Variants in PPM1N observed in about 807,000 individuals in gnomAD.
The protein encoded by PPM1N is probable protein phosphatase 1N.
PPM1N carries 35 observed loss-of-function variants against 32.6 expected under a neutral mutation model. That is an observed-to-expected ratio of 1.07 (90% CI 0.82 to 1.43). The LOEUF (loss-of-function observed/expected upper bound fraction) is 1.43, where lower values mean the gene tolerates loss of function less well. PPM1N is among the 40% of genes most tolerant of loss of function. PPM1N has a pLI of 0.00. For synonymous variants in PPM1N, 275 were observed against 270.5 expected (o/e 1.02, Z -0.16); for missense variants, 648 against 606.6 (o/e 1.07, Z -0.72).
chr19:45,499,990 TG>T lies in PPM1N; in HGVS notation c.985del (p.Ala329ProfsTer13). The T allele has an allele frequency of 1.2e-6, 2 of 1,603,228 alleles. No individual in the cohort carries two copies. The highest frequency in any genetic ancestry group is 1.7e-6 in the Non-Finnish European group (2 of 1,174,700). On this transcript the variant is annotated frameshift_variant, in exon 2 of 5. Coordinates refer to ENST00000451287, the MANE Select transcript of PPM1N (RefSeq NM_001080401.2). LOFTEE classifies it high-confidence loss of function. The stretch of plus-strand genomic sequence containing the variant: ...TGACCTGCATCCTGGTCTGCTTCCC[TG>T]GGGCCCCTAGGCCTTCTGAGGAGGC... ...NMTCILVCFP[G>X]APRPSEEAIR... is the part of the protein sequence containing the mutation.
In PPM1N at chr19:45,498,602, T is replaced by C; in HGVS notation, c.130T>C (p.Ser44Pro). The part of the protein sequence containing the change: ...AGRRAPEGPR[S>P]LLTAPRRAQR... The stretch of plus-strand genomic sequence containing the variant: ...GCGCAGGGCCCCCGAAGGGCCTCGG[T>C]CTCTGTTGACAGCGCCGCGCCGCGC... The change falls in exon 1 of 5, where the codon TCT (serine) becomes CCT (proline). Residue 44 changes from serine (S) to proline (P), a missense_variant. Ser to Pro is a moderately conservative substitution (Grantham distance 74, BLOSUM62 -1). Transcript: ENST00000451287. The C allele has an allele frequency of 6.9e-7, 1 of 1,450,372 alleles. No individual in the cohort carries two copies. Among genetic ancestry groups the C allele is most frequent in the Non-Finnish European group, 9.0e-7 (1 of 1,106,196 alleles). The allele number at this position is 1,450,372 out of a possible 1,614,324, so 89.8% of individuals were successfully genotyped here. A position where few individuals can be genotyped will look rare whatever the true frequency, so the allele number is the denominator to read the frequency against.
In PPM1N at chr19:45,501,147, GC is replaced by G. The variant is rs551532984; in HGVS notation, c.1224+441del. On this transcript the variant is annotated intron_variant, in intron 4 of 4. Transcript: ENST00000451287. ...ATGTGAGCCGGCAACGCTCTGCAGT[GC>G]CCCATCAGCCCAAGTGCTTCCCACA... 2.9e-3 allele frequency among the ~76,000 whole-genome samples: 449 copies of G among 152,312 alleles called. 2 individuals carry two copies. Among genetic ancestry groups the G allele is most frequent in the African/African-American group, 0.01 (423 of 41,548 alleles).
rs1159934660 is a variant in PPM1N, at chr19:45,498,917, G to A, written c.445G>A (p.Glu149Lys). The A allele has an allele frequency of 3.9e-6, 6 of 1,530,898 alleles. No individual in the cohort carries two copies. Among genetic ancestry groups the A allele is most frequent in the Non-Finnish European group, 3.5e-6 (4 of 1,148,210 alleles). 94.8% of individuals were successfully genotyped at this position (1,530,898 alleles called of 1,614,324 possible). A position where few individuals can be genotyped will look rare whatever the true frequency, so the allele number is the denominator to read the frequency against. Residue 149 changes from glutamate (E) to lysine (K), a missense_variant, in exon 1 of 5, where the codon GAG becomes AAG. Physicochemically the swap from Glu to Lys is moderately conservative, Grantham distance 56. Transcript: ENST00000451287. The stretch of plus-strand genomic sequence containing the variant: ...GCGCCGAGCCTTCTTGAGCGCCGAC[G>A]AGCGCCTGCGCTCCCTCTGGCCCCG... ...ALRRAFLSADERLRSLWPRVE... is the reference protein window; with the variant it reads ...ALRRAFLSADKRLRSLWPRVE...
In PPM1N at chr19:45,502,191, GCC is replaced by G; in HGVS notation, c.*107_*108del. The stretch of plus-strand genomic sequence containing the variant: ...ACATGTACCAGCGGAAGGAAGGAAG[GCC>G]AATGTAGGAACCCAAAATGCTTATT... On this transcript the variant is annotated 3_prime_UTR_variant, in exon 5 of 5. Coordinates refer to ENST00000451287, the MANE Select transcript of PPM1N (RefSeq NM_001080401.2). 1 of 849,898 alleles carries G rather than the reference GCC, an allele frequency of 1.2e-6. No individual in the cohort carries two copies. The highest frequency in any genetic ancestry group is 1.9e-6 in the Non-Finnish European group (1 of 523,364). 52.6% of individuals were successfully genotyped at this position (849,898 alleles called of 1,614,324 possible).
rs1968363097 is a variant in PPM1N, at chr19:45,499,114, T to C, written c.642T>C (p.Ala214=). The C allele has an allele frequency of 6.6e-7, 1 of 1,518,974 alleles. No homozygotes were observed. Among genetic ancestry groups the C allele is most frequent in the African/African-American group, 1.4e-5 (1 of 71,902 alleles). 94.1% of individuals were successfully genotyped at this position (1,518,974 alleles called of 1,614,324 possible). Residue 214 remains alanine, a synonymous_variant, in exon 1 of 5, where the codon GCT becomes GCC. Transcript: ENST00000451287. ...RPRERERIHA[A]GGTIRRRRVE... ...GGGAACGCGAGCGCATCCACGCCGCTGGCGGCACCATCCGCCGCCGCCGCG... is the reference window on the plus strand; with the variant it reads ...GGGAACGCGAGCGCATCCACGCCGCCGGCGGCACCATCCGCCGCCGCCGCG...
intron 1 of PPM1N, 98 bp downstream of exon 1, chr19:45,499,509 T>G (rs1336693609): frequency 6.4e-7 from 1 of 1,566,206 alleles, no homozygotes; most frequent in Non-Finnish European, 8.7e-7. Context: ...GAGGCAAGAG[T>G]AAAGCTAGCA....
Position 45,499,922 on chromosome 19 carries a change from G to A in PPM1N, c.940-27G>A, listed in dbSNP as rs768227393. 3.9e-6 allele frequency: 6 copies of A among 1,554,062 alleles called. No homozygotes were observed. In the African/African-American group the frequency reaches 5.5e-5, roughly 14 times the overall value. ...GCTCTGCCTTGGACTCTCCCCCACC[G>A]GGCTCCTTTTTCTCCACCGGCTTCA... is the stretch of plus-strand genomic sequence containing the variant. On this transcript the variant is annotated intron_variant, in intron 1 of 4. Transcript: ENST00000451287.
chr19:45,501,238 C>T (rs558306088), intron 4 of PPM1N, among the ~76,000 whole-genome samples: 1 of 152,320 alleles, frequency 6.6e-6, no homozygotes, highest in African/African-American at 2.4e-5. Context: ...AGACGCACAG[C>T]AGATACCATC....
In PPM1N at chr19:45,498,887, G is replaced by A. The variant is rs1968355883; in HGVS notation, c.415G>A (p.Ala139Thr). Residue 139 changes from alanine to threonine, a missense_variant, in exon 1 of 5, where the codon GCG becomes ACG. Coordinates refer to ENST00000451287, the MANE Select transcript of PPM1N (RefSeq NM_001080401.2). Reference sequence around the variant, plus strand: ...TAGCGAGCCCGAGGGCGTGCGCGAGGCGCTGCGCCGAGCCTTCTTGAGCGC... The same window carrying A: ...TAGCGAGCCCGAGGGCGTGCGCGAGACGCTGCGCCGAGCCTTCTTGAGCGC... ...EPSEPEGVREALRRAFLSADE... is the reference protein window; with the variant it reads ...EPSEPEGVRETLRRAFLSADE... 3 of 1,519,676 alleles carry A rather than the reference G, an allele frequency of 2.0e-6. No individual in the cohort carries two copies. In the African/African-American group the frequency reaches 4.3e-5, roughly 22 times the overall value. The allele number at this position is 1,519,676 out of a possible 1,614,324, so 94.1% of individuals were successfully genotyped here.
chr19:45,500,406 A>G (rs1304904668), intron 2 of PPM1N, 50 bp from the exon 3 acceptor site: 3 of 1,505,538 alleles, frequency 2.0e-6, no homozygotes, highest in East Asian at 2.4e-5. Context: ...AAGTGCTGGG[A>G]TTACAGGCGT....
At position 45,498,533 on chromosome 19, in the gene PPM1N, AG is replaced by A. The variant is rs1968341922; in HGVS notation, c.64del (p.Glu22ArgfsTer25). ...CTGGACCGCTTGCAAGAAAAAGGAG[AG>A]GGAGAAGGAGGGGAGGGAGGAAGAG... ...LLWTACKKKE[R>X]EKEGREEEEE... On this transcript the variant is annotated frameshift_variant, in exon 1 of 5. Coordinates refer to ENST00000451287, the MANE Select transcript of PPM1N (RefSeq NM_001080401.2). LOFTEE classifies it high-confidence loss of function. The A allele has an allele frequency of 7.0e-7, 1 of 1,425,386 alleles. No homozygotes were observed. 88.3% of individuals were successfully genotyped at this position (1,425,386 alleles called of 1,614,324 possible). A position where few individuals can be genotyped will look rare whatever the true frequency, so the allele number is the denominator to read the frequency against.
chr19:45,502,060 G>A lies in PPM1N; in HGVS notation c.1268G>A (p.Gly423Asp), dbSNP rs199663044. 52 of 1,562,936 alleles carry A rather than the reference G, an allele frequency of 3.3e-5. No individual in the cohort carries two copies. The African/African-American group carries it at 5.2e-4, about 16-fold the overall frequency. The change falls in exon 5 of 5, where the codon GGC (glycine) becomes GAC (aspartate). Residue 423 changes from glycine to aspartate, a missense_variant. Coordinates refer to ENST00000451287, the MANE Select transcript of PPM1N (RefSeq NM_001080401.2). ...GAGKSNPTHL[G>D]SALDMEA The stretch of plus-strand genomic sequence containing the variant: ...GGGAAGTCCAACCCCACGCATTTGG[G>A]CTCAGCCTTGGACATGGAGGCCTGA...
Position 45,498,546 on chromosome 19 carries a change from G to T in PPM1N, c.74G>T (p.Gly25Val), listed in dbSNP as rs1012405778. The change falls in exon 1 of 5, where the codon GGG becomes GTG. Residue 25 changes from glycine (G) to valine (V), a missense_variant. Physicochemically the swap from Gly to Val is moderately radical, Grantham distance 109. Coordinates refer to ENST00000451287, the MANE Select transcript of PPM1N (RefSeq NM_001080401.2). ...AAGAAAAAGGAGAGGGAGAAGGAGG[G>T]GAGGGAGGAAGAGGAGGAGGAGGAG... Reference protein sequence around the residue: ...ACKKKEREKEGREEEEEEEAG... With the variant: ...ACKKKEREKEVREEEEEEEAG... The T allele has an allele frequency of 4.8e-6, 7 of 1,454,052 alleles. No homozygotes were observed. The highest frequency in any genetic ancestry group is 3.0e-5 in the African/African-American group (2 of 66,934). 90.1% of individuals were successfully genotyped at this position (1,454,052 alleles called of 1,614,324 possible). A position where few individuals can be genotyped will look rare whatever the true frequency, so the allele number is the denominator to read the frequency against.
intron 4 of PPM1N, among the ~76,000 whole-genome samples, chr19:45,501,687 TC>T (rs1968416171): frequency 6.6e-6 from 1 of 152,168 alleles, no homozygotes; most frequent in Admixed American, 6.6e-5. Context: ...TCATTACCTT[TC>T]AGGGTCTCCT....
chr19:45,499,455 G>A (rs749128346), intron 1 of PPM1N, 44 bp downstream of exon 1: 138 of 1,599,114 alleles, frequency 8.6e-5, no homozygotes, highest in Middle Eastern at 8.3e-4. Context: ...TGGTGCAGCA[G>A]AGGGAGAGAG....
chr19:45,501,867 G>T, intron 4 of PPM1N, 150 bp from the exon 5 acceptor site: 1 of 485,554 alleles, frequency 2.1e-6, no homozygotes, highest in Non-Finnish European at 3.6e-6. Context: ...TGATTGGCCA[G>T]GCTGGGGTCG....
rs1447671642 is a variant in PPM1N at position 45,498,608 on chromosome 19, T to G, written c.136T>G (p.Leu46Val). ...RRAPEGPRSL[L>V]TAPRRAQRPH... ...GGCCCCCGAAGGGCCTCGGTCTCTG[T>G]TGACAGCGCCGCGCCGCGCCCAGCG... Residue 46 changes from leucine to valine, a missense_variant, in exon 1 of 5, where the codon TTG (leucine) becomes GTG (valine). Physicochemically the swap from Leu to Val is conservative, Grantham distance 32. Transcript: ENST00000451287. The G allele has an allele frequency of 7.7e-6, 11 of 1,436,216 alleles. 1 individual carries two copies. The African/African-American group carries it at 1.4e-4, about 18-fold the overall frequency. 89.0% of individuals were successfully genotyped at this position (1,436,216 alleles called of 1,614,324 possible). A position where few individuals can be genotyped will look rare whatever the true frequency, so the allele number is the denominator to read the frequency against.
chr19:45,502,015 A>G lies in PPM1N; in HGVS notation c.1225-2A>G. On this transcript the variant is annotated splice_acceptor_variant, in intron 4 of 4. Transcript: ENST00000451287. LOFTEE classifies it high-confidence loss of function. ...TACCTTCTCCCACATTTTGTGTTAC[A>G]GAAGGGGCAGGATGGGGCTGGGAAG... 2 of 1,501,118 alleles carry G rather than the reference A, an allele frequency of 1.3e-6. No individual in the cohort carries two copies. Among genetic ancestry groups the G allele is most frequent in the South Asian group, 2.6e-5 (2 of 75,842 alleles). 93.0% of individuals were successfully genotyped at this position (1,501,118 alleles called of 1,614,324 possible).
chr19:45,498,621 G>C lies in PPM1N; in HGVS notation c.149G>C (p.Arg50Pro). 3 of 1,416,654 alleles carry C rather than the reference G, an allele frequency of 2.1e-6. No homozygotes were observed. The highest frequency in any genetic ancestry group is 1.5e-5 in the South Asian group (1 of 65,792). The allele number at this position is 1,416,654 out of a possible 1,614,324, so 87.8% of individuals were successfully genotyped here. The change falls in exon 1 of 5, where the codon CGC becomes CCC. Residue 50 changes from arginine (R) to proline (P), a missense_variant. Arg to Pro is a moderately radical substitution (Grantham distance 103). Transcript: ENST00000451287. The stretch of plus-strand genomic sequence containing the variant: ...CCTCGGTCTCTGTTGACAGCGCCGC[G>C]CCGCGCCCAGCGGCCGCACGGGGGT... ...EGPRSLLTAP[R>P]RAQRPHGGAE...
Sources: allele counts gnomAD v4.1 joint callset (sites outside exome capture counted in the v4.1 genomes callset), GRCh38; gene constraint gnomAD v4.1.1; transcripts MANE v1.5; gene names NCBI Gene and HGNC (gene_info 2026-07-23, HGNC 2026-07-21).